PDE4B: variants seen among roughly 807,000 people sequenced by gnomAD.
PDE4B encodes the protein phosphodiesterase 4B.
In PDE4B, 20 loss-of-function variants were observed where a neutral mutation model predicts 82.2. The observed-to-expected ratio is 0.24, with a 90% CI of 0.17 to 0.35. PDE4B has a LOEUF of 0.35. Among genes scored for constraint, PDE4B ranks in the 10% least tolerant of loss-of-function variants. PDE4B has a pLI of 1.00. For synonymous variants in PDE4B, 320 were observed against 318.9 expected, an observed-to-expected ratio of 1.00 and a Z score of -0.04; for missense variants, 655 against 907.2, an observed-to-expected ratio of 0.72 and a Z score of 3.57.
At chr1:66,075,668 A>G (rs896716380) in intron 3 of PDE4B, among the ~76,000 whole-genome samples, 4 of 152,038 alleles carry the variant, frequency 2.6e-5, no homozygotes, top group Non-Finnish European at 4.4e-5. Context: ...TTTCACAAGG[A>G]GTTGTGCAAT....
chr1:66,039,671 A>G (rs61574556), intron 3 of PDE4B, among the ~76,000 whole-genome samples: 3,195 of 152,130 alleles, frequency 0.021, 115 homozygotes, highest in African/African-American at 0.073. Context: ...TGTTGCCTTA[A>G]TTTAACTATG....
chr1:66,122,242 C>T lies in PDE4B; in HGVS notation c.282-125218C>T, dbSNP rs562245226. ...AATATTGAGAATATTCATGTGTTAA[C>T]ACATGCAAAACACTCAGACCATGTG... On this transcript the variant is annotated intron_variant, in intron 3 of 16. Coordinates refer to ENST00000341517, the MANE Select transcript of PDE4B (RefSeq NM_002600.4). Among the ~76,000 whole-genome samples, 193 of 152,308 alleles carry T rather than the reference C, an allele frequency of 1.3e-3. 1 individual carries two copies. The highest frequency in any genetic ancestry group is 4.6e-3 in the African/African-American group (191 of 41,558).
chr1:66,205,974 A>G (rs1010973862), intron 3 of PDE4B, among the ~76,000 whole-genome samples: 2 of 152,208 alleles, frequency 1.3e-5, no homozygotes, highest in Non-Finnish European at 2.9e-5. Flanking sequence ...CAGTGACTAT[A>G]GGGACAAAAA....
intron 3 of PDE4B, among the ~76,000 whole-genome samples, chr1:66,055,991 T>C (rs531339612): frequency 2.6e-5 from 4 of 152,334 alleles, no homozygotes; most frequent in Admixed American, 2.0e-4. Context: ...ATTTTCTGGC[T>C]ACACTTCCCT....
At chr1:65,795,478 C>T (rs915111060) in intron 1 of PDE4B, among the ~76,000 whole-genome samples, 20 of 152,244 alleles carry the variant, frequency 1.3e-4, no homozygotes, top group Admixed American at 7.9e-4. Context: ...ATACAGTGGA[C>T]ACTGTGATGT....
intron 3 of PDE4B, among the ~76,000 whole-genome samples, chr1:66,086,390 A>G (rs1205990481): frequency 6.6e-6 from 1 of 152,114 alleles, no homozygotes; most frequent in Non-Finnish European, 1.5e-5. Flanking sequence ...TGATAGGTGG[A>G]GTAGAGTAAA....
At chr1:66,196,966 A>G (rs1284742781) in intron 3 of PDE4B, among the ~76,000 whole-genome samples, 1 of 152,176 alleles carries the variant, frequency 6.6e-6, no homozygotes, top group Non-Finnish European at 1.5e-5. Flanking sequence ...TAACAATAAT[A>G]AAAAATAACA....
intron 3 of PDE4B, among the ~76,000 whole-genome samples, chr1:65,970,317 A>G (rs1175805400): frequency 1.3e-5 from 2 of 151,958 alleles, no homozygotes; most frequent in Admixed American, 6.6e-5. Context: ...TGGGAAATAC[A>G]TTTTGGACTA....
intron 3 of PDE4B, among the ~76,000 whole-genome samples, chr1:66,216,988 A>G (rs1489524729): frequency 6.6e-6 from 1 of 152,180 alleles, no homozygotes; most frequent in Non-Finnish European, 1.5e-5. Flanking sequence ...TTGAGATCAA[A>G]TAAAGCCTCG....
chr1:65,900,481 C>T (rs1202669514), intron 1 of PDE4B, among the ~76,000 whole-genome samples: 2 of 151,810 alleles, frequency 1.3e-5, no homozygotes, highest in Non-Finnish European at 2.9e-5. Flanking sequence ...TAGTTTTATT[C>T]TAATTCTGTG....
At chr1:66,111,057 A>C (rs970320928) in intron 3 of PDE4B, among the ~76,000 whole-genome samples, 2 of 152,104 alleles carry the variant, frequency 1.3e-5, no homozygotes, top group African/African-American at 4.8e-5. Flanking sequence ...AAAACAAAAC[A>C]CTTTTAGCAA....
chr1:66,327,948 A>C (rs1659850124), intron 7 of PDE4B, among the ~76,000 whole-genome samples: 1 of 152,194 alleles, frequency 6.6e-6, no homozygotes, highest in African/African-American at 2.4e-5. Flanking sequence ...TCTTGCTAGG[A>C]ATCTGGAGGG....
intron 3 of PDE4B, among the ~76,000 whole-genome samples, chr1:65,948,749 G>A (rs770703852): frequency 2.0e-5 from 3 of 151,614 alleles, no homozygotes; most frequent in Non-Finnish European, 4.4e-5. Flanking sequence ...GCATCAATCT[G>A]TATTCACGTG....
At position 65,792,977 on chromosome 1, in the gene PDE4B, C is replaced by G. The variant is rs1645588526; in HGVS notation, c.-342C>G. ...GGTTCCCCAGGCTAGCCCGCTGGCC[C>G]GTCCGCGCGCGCGCCCCCGGCCCGC... On this transcript the variant is annotated 5_prime_UTR_variant, in exon 1 of 17. Coordinates refer to ENST00000341517, the MANE Select transcript of PDE4B (RefSeq NM_002600.4). Among the ~76,000 whole-genome samples, 1 of 151,794 alleles carries G rather than the reference C, an allele frequency of 6.6e-6. No homozygotes were observed. The highest frequency in any genetic ancestry group is 2.4e-5 in the African/African-American group (1 of 41,382).
At chr1:66,248,355 A>G (rs1653487978) in intron 4 of PDE4B, among the ~76,000 whole-genome samples, 1 of 152,256 alleles carries the variant, frequency 6.6e-6, no homozygotes, top group Non-Finnish European at 1.5e-5. Flanking sequence ...GTTTCTGGGC[A>G]CAGATACAAT....
intron 3 of PDE4B, among the ~76,000 whole-genome samples, chr1:66,239,767 A>G (rs149072397): frequency 2.1e-4 from 32 of 152,378 alleles, no homozygotes; most frequent in African/African-American, 7.5e-4. Context: ...AAAAAATGAT[A>G]CTTAACAATT....
intron 7 of PDE4B, among the ~76,000 whole-genome samples, chr1:66,274,620 T>C (rs1655745739): frequency 6.6e-6 from 1 of 152,222 alleles, no homozygotes; most frequent in Non-Finnish European, 1.5e-5. Flanking sequence ...TTGGGACAAA[T>C]TGCTTAACCT....
At chr1:66,184,886 C>T (rs1046740660) in intron 3 of PDE4B, among the ~76,000 whole-genome samples, 4 of 151,446 alleles carry the variant, frequency 2.6e-5, no homozygotes, top group South Asian at 2.1e-4. Context: ...ATGTGCACAA[C>T]GTGCATGTTT....
intron 3 of PDE4B, among the ~76,000 whole-genome samples, chr1:66,044,910 A>G (rs968261400): frequency 2.0e-5 from 3 of 151,778 alleles, no homozygotes; most frequent in Admixed American, 6.6e-5. Flanking sequence ...AATTTTTACA[A>G]AATATAAACT....
Sources: allele counts gnomAD v4.1 joint callset (sites outside exome capture counted in the v4.1 genomes callset), GRCh38; gene constraint gnomAD v4.1.1; transcripts MANE v1.5; gene names NCBI Gene and HGNC (gene_info 2026-07-23, HGNC 2026-07-21).